ZMAT4: variants seen among roughly 807,000 people sequenced by gnomAD.
ZMAT4 encodes the protein zinc finger matrin-type protein 4.
ZMAT4 carries 17 observed loss-of-function variants against 28.7 expected under a neutral mutation model. The observed-to-expected ratio is 0.59, with a 90% CI of 0.41 to 0.89. The LOEUF (loss-of-function observed/expected upper bound fraction) is 0.89, where lower values mean the gene tolerates loss of function less well. ZMAT4 is among the 40% of genes least tolerant of loss of function. The pLI is 0.00. For synonymous variants in ZMAT4, 117 were observed against 109.2 expected (o/e 1.07, Z -0.44); for missense variants, 240 against 283.8 (o/e 0.85, Z 1.11).
chr8:40,778,305 T>C (rs576527385), intron 2 of ZMAT4, among the ~76,000 whole-genome samples: 21 of 152,350 alleles, frequency 1.4e-4, no homozygotes, highest in Non-Finnish European at 1.5e-4. Flanking sequence ...ACATAACATT[T>C]ATAACCTGAA....
At chr8:40,753,457 T>C (rs1812541156) in intron 3 of ZMAT4, among the ~76,000 whole-genome samples, 1 of 152,226 alleles carries the variant, frequency 6.6e-6, no homozygotes, top group African/African-American at 2.4e-5. Context: ...CCAAAGACCT[T>C]GTGGAGTTCT....
chr8:40,776,854 T>A (rs74629472), intron 2 of ZMAT4, among the ~76,000 whole-genome samples: 1 of 151,856 alleles, frequency 6.6e-6, no homozygotes, highest in South Asian at 2.1e-4. Context: ...ACTAAGAACC[T>A]GTGTGGAGTC....
At chr8:40,577,320 T>G (rs920101180) in intron 6 of ZMAT4, among the ~76,000 whole-genome samples, 1 of 152,214 alleles carries the variant, frequency 6.6e-6, no homozygotes, top group African/African-American at 2.4e-5. Flanking sequence ...GTCATCTATA[T>G]AAAGACATAT....
chr8:40,567,624 C>T (rs1403245252), intron 6 of ZMAT4, among the ~76,000 whole-genome samples: 1 of 151,352 alleles, frequency 6.6e-6, no homozygotes, highest in Non-Finnish European at 1.5e-5. Context: ...ACTTGAACCC[C>T]CCTGGGAGGC....
intron 2 of ZMAT4, among the ~76,000 whole-genome samples, chr8:40,773,879 T>C (rs1048210486): frequency 1.3e-5 from 2 of 152,030 alleles, no homozygotes; most frequent in African/African-American, 4.8e-5. Flanking sequence ...AAAGATCTTA[T>C]ATATGAAAAA....
chr8:40,720,523 C>CTTTTTTTTT (rs1307193398), intron 3 of ZMAT4, among the ~76,000 whole-genome samples: 1 of 113,126 alleles, frequency 8.8e-6, no homozygotes, highest in Non-Finnish European at 1.8e-5. Flanking sequence ...TGGGTAGAAT[C>CTTTTTTTTT]TTTTTTTTTT....
chr8:40,578,982 C>T (rs1011473315), intron 6 of ZMAT4, among the ~76,000 whole-genome samples: 2 of 152,182 alleles, frequency 1.3e-5, no homozygotes, highest in African/African-American at 4.8e-5. Context: ...GCTCTGCCAT[C>T]TGCTTTCAGG....
At chr8:40,809,818 C>T (rs539723510) in intron 2 of ZMAT4, among the ~76,000 whole-genome samples, 1 of 152,120 alleles carries the variant, frequency 6.6e-6, no homozygotes, top group Admixed American at 6.6e-5. Flanking sequence ...CTGAGGTGGG[C>T]AGATCATTTG....
At chr8:40,647,671 T>A (rs1444110983) in intron 5 of ZMAT4, among the ~76,000 whole-genome samples, 1 of 152,116 alleles carries the variant, frequency 6.6e-6, no homozygotes, top group Non-Finnish European at 1.5e-5. Context: ...GACTTAAATG[T>A]CCCTGTCTGA....
intron 2 of ZMAT4, among the ~76,000 whole-genome samples, chr8:40,813,346 G>T (rs978496743): frequency 6.6e-6 from 1 of 152,206 alleles, no homozygotes; most frequent in Non-Finnish European, 1.5e-5. Context: ...TACAGAAGAA[G>T]AAATTAAAAT....
chr8:40,688,184 G>A (rs1308539035), intron 4 of ZMAT4, among the ~76,000 whole-genome samples: 1 of 152,138 alleles, frequency 6.6e-6, no homozygotes, highest in Non-Finnish European at 1.5e-5. Context: ...AGGCCGGGGG[G>A]CGGTGGCTCA....
chr8:40,743,243 A>G (rs906070467), intron 3 of ZMAT4, among the ~76,000 whole-genome samples: 2 of 152,186 alleles, frequency 1.3e-5, no homozygotes, highest in Non-Finnish European at 2.9e-5. Context: ...TTCCCTACTC[A>G]GGAAGAATTT....
chr8:40,696,504 A>G (rs1427795404), intron 4 of ZMAT4, among the ~76,000 whole-genome samples: 2 of 152,222 alleles, frequency 1.3e-5, no homozygotes, highest in African/African-American at 4.8e-5. Flanking sequence ...CTGCCACAAC[A>G]TAAATCTTGT....
intron 6 of ZMAT4, among the ~76,000 whole-genome samples, chr8:40,548,967 C>G (rs950978843): frequency 8.5e-5 from 13 of 152,124 alleles, no homozygotes; most frequent in African/African-American, 2.9e-4. Flanking sequence ...TGTCTGTACT[C>G]CCACCCACAG....
At chr8:40,872,182 C>A (rs2150655067) in intron 1 of ZMAT4, among the ~76,000 whole-genome samples, 1 of 152,318 alleles carries the variant, frequency 6.6e-6, no homozygotes, top group East Asian at 1.9e-4. Flanking sequence ...ACCGTATTCA[C>A]AAGTGTACAT....
chr8:40,852,071 A>G (rs1817130078), intron 1 of ZMAT4, among the ~76,000 whole-genome samples: 1 of 151,994 alleles, frequency 6.6e-6, no homozygotes, highest in Admixed American at 6.6e-5. Context: ...TTTTTGGTAG[A>G]GACGGGGTTT....
intron 2 of ZMAT4, among the ~76,000 whole-genome samples, chr8:40,824,983 G>A (rs571256252): frequency 3.0e-4 from 45 of 152,234 alleles, no homozygotes; most frequent in African/African-American, 1.0e-3. Context: ...GTTGCTCCCC[G>A]ATTCTAAACA....
intron 2 of ZMAT4, among the ~76,000 whole-genome samples, chr8:40,774,151 G>C (rs1029280985): frequency 1.3e-5 from 2 of 152,098 alleles, no homozygotes; most frequent in Admixed American, 1.3e-4. Flanking sequence ...AAAGAAAATG[G>C]CTTTACTATC....
intron 3 of ZMAT4, among the ~76,000 whole-genome samples, chr8:40,764,001 C>T (rs1813044236): frequency 6.6e-6 from 1 of 151,986 alleles, no homozygotes; most frequent in African/African-American, 2.4e-5. Flanking sequence ...AAAAAAAACC[C>T]AGGTAAAACT....
Sources: gnomAD v4.1 joint callset for allele counts (sites outside exome capture counted in the v4.1 genomes callset) on GRCh38, gnomAD v4.1.1 for gene constraint, MANE v1.5 for transcripts, NCBI Gene and HGNC (gene_info 2026-07-23, HGNC 2026-07-21) for gene names.